The following BNC2 variants were observed in gnomAD, a reference collection of about 807,000 sequenced individuals.
BNC2 encodes the protein basonuclin zinc finger protein 2.
A neutral mutation model predicts 76.3 loss-of-function variants in BNC2; 20 were observed. The ratio of observed to expected loss-of-function variants is 0.26; its 90% CI spans 0.18 to 0.38. The LOEUF is 0.38. Ranked by LOEUF, BNC2 falls within the 10% of genes least tolerant of loss-of-function variation. BNC2 has a pLI of 1.00. For missense variants in BNC2, 1,382 were observed against 1,399.8 expected (o/e 0.99, Z 0.20); for synonymous variants, 582 against 514.8 (o/e 1.13, Z -1.77).
intron 1 of BNC2, among the ~76,000 whole-genome samples, chr9:16,777,496 C>T (rs1454573015): frequency 6.6e-6 from 1 of 151,934 alleles, no homozygotes; most frequent in East Asian, 1.9e-4. Flanking sequence ...GTCAGGAGAT[C>T]GAGACCATCC....
chr9:16,700,851 C>G (rs990779184), intron 3 of BNC2, among the ~76,000 whole-genome samples: 1 of 152,070 alleles, frequency 6.6e-6, no homozygotes, highest in East Asian at 1.9e-4. Context: ...CCTGTAATCG[C>G]GGTTATTTGG....
rs938513357 is a variant in BNC2, at chr9:16,826,993, C to G, written c.3+43653G>C. On this transcript the variant is annotated intron_variant, in intron 1 of 6. Coordinates refer to ENST00000380672, the MANE Select transcript of BNC2 (RefSeq NM_017637.6). ...AAAAACCAAAGGTTAATGTATGTAA[C>G]TTTTTTGGTTTATTCCAGTTCCCAG... Among the ~76,000 whole-genome samples the G allele has an allele frequency of 5.3e-5, 8 of 152,280 alleles. No homozygotes were observed. In the East Asian group the frequency reaches 1.5e-3, roughly 29 times the overall value.
At chr9:16,702,094 C>T (rs190318102) in intron 3 of BNC2, among the ~76,000 whole-genome samples, 218 of 152,222 alleles carry the variant, frequency 1.4e-3, no homozygotes, top group African/African-American at 5.0e-3. Flanking sequence ...CTTAACTACC[C>T]TTTAGGCATT....
rs1166022495 is a variant in BNC2, at chr9:16,436,653, G to A, written c.1541C>T (p.Thr514Ile). Residue 514 changes from threonine to isoleucine, a missense_variant, in exon 6 of 7, where the codon ACC (threonine) becomes ATC (isoleucine). Thr to Ile is a moderately conservative substitution (Grantham distance 89). Coordinates refer to ENST00000380672, the MANE Select transcript of BNC2 (RefSeq NM_017637.6). Reference protein sequence around the residue: ...NNRDKDLIRATSGAATPVIAS... With the variant: ...NNRDKDLIRAISGAATPVIAS... ...TATGACAGGGGTGGCAGCTCCTGAG[G>A]TGGCCCGAATTAAATCTTTATCTCG... The A allele has an allele frequency of 5.6e-6, 9 of 1,614,090 alleles. No individual in the cohort carries two copies. Among genetic ancestry groups the A allele is most frequent in the South Asian group, 1.1e-5 (1 of 91,052 alleles).
rs371618432 is a variant in BNC2 at position 16,492,355 on chromosome 9, C to T, written c.670-54831G>A. 1.8e-3 allele frequency among the ~76,000 whole-genome samples: 281 copies of T among 152,284 alleles called. 1 individual carries two copies. Among genetic ancestry groups the T allele is most frequent in the African/African-American group, 6.1e-3 (254 of 41,558 alleles). ...TCAGAACTTTAATGAGCACAACCAT[C>T]CATACTTAAGTAAAGGCCTTGGCTA... On this transcript the variant is annotated intron_variant, in intron 5 of 6. Transcript: ENST00000380672.
Position 16,492,063 on chromosome 9 carries a change from G to A in BNC2, c.670-54539C>T, listed in dbSNP as rs138707952. On this transcript the variant is annotated intron_variant, in intron 5 of 6. Transcript: ENST00000380672. ...AATATTATAAAAACCAGTGAAATAC[G>A]ATTGTAAAATAAAAAGTTCATTCTA... Among the ~76,000 whole-genome samples the A allele has an allele frequency of 1.8e-3, 277 of 152,038 alleles. 1 individual carries two copies. Among genetic ancestry groups the A allele is most frequent in the African/African-American group, 6.2e-3 (257 of 41,468 alleles).
chr9:16,505,008 G>A (rs1159165683), intron 5 of BNC2, among the ~76,000 whole-genome samples: 2 of 152,198 alleles, frequency 1.3e-5, no homozygotes, highest in African/African-American at 4.8e-5. Flanking sequence ...CAACTGTCCA[G>A]GTTTGAAACA....
At chr9:16,689,114 A>G (rs1224656645) in intron 3 of BNC2, among the ~76,000 whole-genome samples, 2 of 102,530 alleles carry the variant, frequency 2.0e-5, no homozygotes, top group Non-Finnish European at 2.8e-5. Flanking sequence ...TCCTACACAC[A>G]TAACCACACA....
chr9:16,452,436 T>C (rs900021664), intron 5 of BNC2, among the ~76,000 whole-genome samples: 18 of 152,196 alleles, frequency 1.2e-4, no homozygotes, highest in African/African-American at 3.9e-4. Flanking sequence ...TTATTATTAT[T>C]ATTTTTTAGA....
At chr9:16,721,998 A>T (rs1272015593) in intron 3 of BNC2, among the ~76,000 whole-genome samples, 1 of 152,180 alleles carries the variant, frequency 6.6e-6, no homozygotes, top group Non-Finnish European at 1.5e-5. Flanking sequence ...TTACAAGGAA[A>T]ATCCTCTCAA....
At chr9:16,449,883 C>T (rs1213942571) in intron 5 of BNC2, among the ~76,000 whole-genome samples, 1 of 151,696 alleles carries the variant, frequency 6.6e-6, no homozygotes, top group Non-Finnish European at 1.5e-5. Flanking sequence ...AATATGATGA[C>T]CTGAATACAT....
chr9:16,680,735 A>G (rs1441650696), intron 3 of BNC2, among the ~76,000 whole-genome samples: 6 of 148,122 alleles, frequency 4.1e-5, no homozygotes, highest in African/African-American at 1.0e-4. Flanking sequence ...TGAGATGAGA[A>G]AAAAAAAAAA....
chr9:16,781,881 T>C (rs1324529391), intron 1 of BNC2, among the ~76,000 whole-genome samples: 1 of 152,210 alleles, frequency 6.6e-6, no homozygotes, highest in Non-Finnish European at 1.5e-5. Flanking sequence ...GCATATTTGA[T>C]ATCATCTCAA....
intron 4 of BNC2, among the ~76,000 whole-genome samples, chr9:16,582,683 T>C (rs1472720426): frequency 6.6e-6 from 1 of 152,166 alleles, no homozygotes; most frequent in Non-Finnish European, 1.5e-5. Flanking sequence ...TGAGTTTCCA[T>C]CAGGCCTGGT....
intron 5 of BNC2, among the ~76,000 whole-genome samples, chr9:16,531,326 T>A (rs1010979499): frequency 2.6e-5 from 4 of 151,314 alleles, no homozygotes; most frequent in African/African-American, 4.9e-5. Context: ...CCTTCACATG[T>A]GCAAAAACAA....
intron 3 of BNC2, among the ~76,000 whole-genome samples, chr9:16,594,238 G>A (rs1342472653): frequency 2.0e-5 from 3 of 152,054 alleles, no homozygotes; most frequent in South Asian, 2.1e-4. Flanking sequence ...AAGAACAATC[G>A]ATTTGCATGA....
At chr9:16,674,782 A>G (rs1822587486) in intron 3 of BNC2, among the ~76,000 whole-genome samples, 1 of 152,190 alleles carries the variant, frequency 6.6e-6, no homozygotes, top group African/African-American at 2.4e-5. Flanking sequence ...ATTGATTTCA[A>G]GGGGACTTGG....
chr9:16,621,872 T>C (rs527980757), intron 3 of BNC2, among the ~76,000 whole-genome samples: 3 of 152,194 alleles, frequency 2.0e-5, no homozygotes, highest in Admixed American at 6.5e-5. Context: ...TTATTATACA[T>C]GGAAATCATA....
intron 3 of BNC2, among the ~76,000 whole-genome samples, chr9:16,693,503 G>C (rs960330175): frequency 6.6e-6 from 1 of 152,128 alleles, no homozygotes; most frequent in Non-Finnish European, 1.5e-5. Flanking sequence ...ACTGGAGGTG[G>C]AGTCCCTCAC....
Sources: gnomAD v4.1 joint callset for allele counts (sites outside exome capture counted in the v4.1 genomes callset) on GRCh38, gnomAD v4.1.1 for gene constraint, MANE v1.5 for transcripts, NCBI Gene and HGNC (gene_info 2026-07-23, HGNC 2026-07-21) for gene names.